The following IL16 variants were observed in gnomAD, a reference collection of about 807,000 sequenced individuals.
The protein encoded by IL16 is interleukin 16.
In IL16, 67 loss-of-function variants were observed where a neutral mutation model predicts 110.1. That is an observed-to-expected ratio of 0.61 (90% confidence interval 0.50 to 0.75). IL16 has a LOEUF of 0.75. IL16 is among the 30% of genes least tolerant of loss of function. The pLI is 0.00. For missense variants in IL16, 1,545 were observed against 1,655.0 expected (o/e 0.93, Z 1.15); for synonymous variants, 689 against 662.9 (o/e 1.04, Z -0.61).
Position 81,313,007 on chromosome 15 carries a change from CGT to C in IL16, c.*4212_*4213del, listed in dbSNP as rs141757676. 29,046 of 294,086 alleles carry C rather than the reference CGT, an allele frequency of 0.099. 1,522 individuals are homozygous for C. Among genetic ancestry groups the C allele is most frequent in the Middle Eastern group, 0.18 (183 of 1,042 alleles). The allele number at this position is 294,086 out of a possible 1,614,324, so 18.2% of individuals were successfully genotyped here. A position where few individuals can be genotyped will look rare whatever the true frequency, so the allele number is the denominator to read the frequency against. ...CCTGGGTCTACCCTGCCAGGAGAGGCGTGTTTGGGTAACAGGCAGATGGAGTT... is the reference window on the plus strand; with the variant it reads ...CCTGGGTCTACCCTGCCAGGAGAGGCGTTTGGGTAACAGGCAGATGGAGTT... On this transcript the variant is annotated 3_prime_UTR_variant, in exon 19 of 19. Coordinates refer to ENST00000683961, the MANE Select transcript of IL16 (RefSeq NM_172217.5).
chr15:81,194,610 G>T (rs1344819716), upstream of IL16, among the ~76,000 whole-genome samples: 1 of 151,884 alleles, frequency 6.6e-6, no homozygotes, highest in African/African-American at 2.4e-5. Context: ...AAAAATAGGA[G>T]AATTAGAAGG....
intron 2 of IL16, among the ~76,000 whole-genome samples, chr15:81,244,562 TGA>T (rs936608105): frequency 1.3e-5 from 2 of 152,156 alleles, no homozygotes; most frequent in African/African-American, 4.8e-5. Flanking sequence ...TCATCTGAAT[TGA>T]GTTTCCTTTA....
chr15:81,254,580 G>A (rs1225659126), intron 2 of IL16, among the ~76,000 whole-genome samples: 2 of 152,174 alleles, frequency 1.3e-5, no homozygotes, highest in African/African-American at 2.4e-5. Context: ...ATTACGGGGT[G>A]TATCACCCAC....
At chr15:81,267,937 G>C (rs1210520999) in intron 4 of IL16, among the ~76,000 whole-genome samples, 1 of 152,166 alleles carries the variant, frequency 6.6e-6, no homozygotes, top group South Asian at 2.1e-4. Context: ...GACACACACA[G>C]AATAATGGTT....
At chr15:81,196,766 G>A, upstream of IL16, 1 of 935,936 alleles carries the variant, frequency 1.1e-6, no homozygotes. Context: ...ACCTTGTTCT[G>A]AGGCTGAGCT....
In IL16 at chr15:81,247,076, C is replaced by CT. The variant is rs57484982; in HGVS notation, c.313-12676dup. Among the ~76,000 whole-genome samples, 340 of 92,596 alleles carry CT rather than the reference C, an allele frequency of 3.7e-3. 2 individuals carry two copies. Among genetic ancestry groups the CT allele is most frequent in the Middle Eastern group, 0.021 (2 of 96 alleles). The allele number at this position is 92,596 out of a possible 152,430, so 60.7% of individuals were successfully genotyped here. Reference sequence around the variant, plus strand: ...TTTGTGTTTTCTTTCTTTTCTTTTCCTTTTTTTTTTTTTTTTTTTTGATCT... The same window carrying CT: ...TTTGTGTTTTCTTTCTTTTCTTTTCCTTTTTTTTTTTTTTTTTTTTTGATCT... On this transcript the variant is annotated intron_variant, in intron 2 of 18. Coordinates refer to ENST00000683961, the MANE Select transcript of IL16 (RefSeq NM_172217.5).
At chr15:81,256,074 T>C (rs1323220782) in intron 2 of IL16, among the ~76,000 whole-genome samples, 1 of 152,184 alleles carries the variant, frequency 6.6e-6, no homozygotes, top group Non-Finnish European at 1.5e-5. Context: ...CTCTTGCTAA[T>C]TCATGAGAGC....
chr15:81,195,238 A>T (rs556417054), upstream of IL16, among the ~76,000 whole-genome samples: 2 of 152,218 alleles, frequency 1.3e-5, no homozygotes, highest in South Asian at 4.2e-4. Flanking sequence ...GACTTAGTGG[A>T]GGAGGGGGGC....
chr15:81,283,722 T>G (rs757042116), intron 9 of IL16, among the ~76,000 whole-genome samples: 2 of 152,316 alleles, frequency 1.3e-5, no homozygotes, highest in East Asian at 3.9e-4. Context: ...AAAATATTAG[T>G]AAGTTGGGCA....
intron 10 of IL16, 79 bp from the exon 11 acceptor site, chr15:81,290,374 C>G: frequency 1.1e-6 from 1 of 931,412 alleles, no homozygotes; most frequent in East Asian, 2.6e-5. Context: ...AGTGGCCCAG[C>G]TTTGGAGCTG....
At chr15:81,297,139 G>A in intron 13 of IL16, 61 bp downstream of exon 13, 2 of 1,531,660 alleles carry the variant, frequency 1.3e-6, no homozygotes. Flanking sequence ...GCAGGGATAA[G>A]ATAAGAGCAC....
At chr15:81,273,550 A>T (rs1021842521) in intron 6 of IL16, among the ~76,000 whole-genome samples, 106 of 151,888 alleles carry the variant, frequency 7.0e-4, no homozygotes, top group African/African-American at 2.4e-3. Context: ...TCCATCCAAG[A>T]TCCTGTCTCA....
chr15:81,185,070 G>A (rs1254336527), intron 1 of IL16, among the ~76,000 whole-genome samples: 1 of 152,170 alleles, frequency 6.6e-6, no homozygotes, highest in South Asian at 2.1e-4. Context: ...AGCAGAGGGA[G>A]GCTCTGCATA....
chr15:81,241,437 T>A (rs772818069), intron 2 of IL16, among the ~76,000 whole-genome samples: 4 of 152,098 alleles, frequency 2.6e-5, no homozygotes, highest in Non-Finnish European at 4.4e-5. Flanking sequence ...TGCTGCATTA[T>A]TCAGGCCTTA....
chr15:81,190,576 C>G (rs1015058030), intron 1 of IL16, among the ~76,000 whole-genome samples: 3 of 152,116 alleles, frequency 2.0e-5, no homozygotes, highest in Non-Finnish European at 2.9e-5. Context: ...TGGTACCAAC[C>G]CTCCAAGTGA....
intron 1 of IL16, among the ~76,000 whole-genome samples, chr15:81,203,967 T>G (rs1895916876): frequency 6.6e-6 from 1 of 151,826 alleles, no homozygotes; most frequent in African/African-American, 2.4e-5. Context: ...TGGAATGTTC[T>G]TCCATTTGTT....
rs765191250 is a variant in IL16 at position 81,303,679 on chromosome 15, C to T, written c.3420+29C>T. 14 of 1,418,336 alleles carry T rather than the reference C, an allele frequency of 9.9e-6. No homozygotes were observed. In the Middle Eastern group the frequency reaches 8.9e-4, roughly 90 times the overall value. The allele number at this position is 1,418,336 out of a possible 1,614,324, so 87.9% of individuals were successfully genotyped here. On this transcript the variant is annotated intron_variant, in intron 16 of 18. Transcript: ENST00000683961. This position sits in a 1 kb window ranked among gnomAD's most constrained non-coding sequence, Gnocchi z 4.1. ...AGTGGCCAAGTGAAGGGGCATGTCA[C>T]AGCCAGAGGCAATGGTTCTGGGGGA...
Position 81,278,806 on chromosome 15 carries a change from T to C in IL16, c.791-11T>C, listed in dbSNP as rs1316417873. ...ACACTCTTCTTAGCTACACTTTCTCTCTCTAAACAGGTGATGAAATTCTGG... is the reference window on the plus strand; with the variant it reads ...ACACTCTTCTTAGCTACACTTTCTCCCTCTAAACAGGTGATGAAATTCTGG... On this transcript the variant is annotated splice_polypyrimidine_tract_variant and intron_variant, in intron 6 of 18. Coordinates refer to ENST00000683961, the MANE Select transcript of IL16 (RefSeq NM_172217.5). 1 of 1,585,260 alleles carries C rather than the reference T, an allele frequency of 6.3e-7. No homozygotes were observed. The highest frequency in any genetic ancestry group is 8.7e-7 in the Non-Finnish European group (1 of 1,153,774).
At chr15:81,293,564 G>GGT (rs1320613844) in intron 12 of IL16, among the ~76,000 whole-genome samples, 2 of 152,194 alleles carry the variant, frequency 1.3e-5, no homozygotes, top group Non-Finnish European at 2.9e-5. Flanking sequence ...AGCCGGGTAT[G>GGT]GTGGCAGGTG....
Sources: allele counts gnomAD v4.1 joint callset (sites outside exome capture counted in the v4.1 genomes callset), GRCh38; gene constraint gnomAD v4.1.1; non-coding constraint Gnocchi (gnomAD v3.1); transcripts MANE v1.5; gene names NCBI Gene and HGNC (gene_info 2026-07-23, HGNC 2026-07-21).